RBM26: variants seen among roughly 807,000 people sequenced by gnomAD.
The protein encoded by RBM26 is RNA binding motif protein 26, also known as RNA-binding protein 26.
RBM26 carries 30 observed loss-of-function variants against 123.6 expected under a neutral mutation model. The observed-to-expected ratio is 0.24, with a 90% confidence interval of 0.18 to 0.33. RBM26 has a LOEUF of 0.33. Ranked by LOEUF, RBM26 falls within the 10% of genes least tolerant of loss-of-function variation. The probability of loss-of-function intolerance (pLI) is 1.00; values close to 1 mark genes in which losing one functional copy is unlikely to be tolerated. For synonymous variants in RBM26, 400 were observed against 404.4 expected (o/e 0.99, Z 0.13); for missense variants, 947 against 1,203.6 (o/e 0.79, Z 3.15).
downstream of RBM26, chr13:79,314,262 T>C (rs1454954689): frequency 1.3e-5 from 2 of 151,744 alleles, no homozygotes; most frequent in African/African-American, 4.8e-5. Flanking sequence ...TTCGATGTCT[T>C]GATTGAAAGT....
At chr13:79,374,807 G>A (rs533545575) in intron 3 of RBM26, among the ~76,000 whole-genome samples, 111 of 151,886 alleles carry the variant, frequency 7.3e-4, no homozygotes, top group Middle Eastern at 6.8e-3. Context: ...CATTTTAAAC[G>A]TAGATTGCCA....
In RBM26 at chr13:79,334,392, G is replaced by A. The variant is rs2069951000; in HGVS notation, c.2772C>T (p.Ser924=). ...TGAATGTAATTACTGCATGAAGTGAGGAATCATCAATCTGACAATCTTCAA... is the reference window on the plus strand; with the variant it reads ...TGAATGTAATTACTGCATGAAGTGAAGAATCATCAATCTGACAATCTTCAA... ...GEIEDCQIDD[S]SLHAVITFKT... is the part of the protein sequence containing the mutation. Residue 924 remains serine, a synonymous_variant, in exon 20 of 22, where the codon TCC becomes TCT. Coordinates refer to ENST00000438737, the MANE Select transcript of RBM26 (RefSeq NM_001366735.2). The A allele has an allele frequency of 1.3e-6, 2 of 1,567,686 alleles. No individual in the cohort carries two copies. Among genetic ancestry groups the A allele is most frequent in the East Asian group, 2.3e-5 (1 of 42,650 alleles).
intron 20 of RBM26, among the ~76,000 whole-genome samples, chr13:79,330,505 G>A (rs2069123340): frequency 6.6e-6 from 1 of 152,148 alleles, no homozygotes; most frequent in South Asian, 2.1e-4. Context: ...TCTTTTGTTA[G>A]GGGATCTCTT....
chr13:79,318,805 A>C, downstream of RBM26: 1 of 983,814 alleles, frequency 1.0e-6, no homozygotes, highest in South Asian at 4.7e-5. Flanking sequence ...TGAAAGATTT[A>C]CTTTCTTTGT....
intron 5 of RBM26, among the ~76,000 whole-genome samples, chr13:79,369,250 A>T (rs906371844): frequency 2.0e-5 from 3 of 152,196 alleles, no homozygotes; most frequent in African/African-American, 7.2e-5. Flanking sequence ...TATAGAAAAA[A>T]GGAATTTTAT....
At chr13:79,386,658 GT>G (rs71204717) in intron 1 of RBM26, among the ~76,000 whole-genome samples, 32,152 of 133,144 alleles carry the variant, frequency 0.24, 4,470 homozygotes, top group Non-Finnish European at 0.33. Context: ...CATATTTAGG[GT>G]TTTTTTTTTT....
At chr13:79,336,919 C>T (rs192573771) in intron 19 of RBM26, among the ~76,000 whole-genome samples, 183 bp downstream of exon 19, 1 of 152,244 alleles carries the variant, frequency 6.6e-6, no homozygotes, top group Admixed American at 6.5e-5. Context: ...AATGTCTCTT[C>T]TAGATAATTA....
At position 79,322,289 on chromosome 13, in the gene RBM26, A is replaced by G. The variant is rs536960813; in HGVS notation, c.2934+60T>C. 4.0e-4 allele frequency: 452 copies of G among 1,117,024 alleles called. 3 individuals carry two copies. In the Middle Eastern group the frequency reaches 6.4e-3, roughly 16 times the overall value. The allele number at this position is 1,117,024 out of a possible 1,614,324, so 69.2% of individuals were successfully genotyped here. A position where few individuals can be genotyped will look rare whatever the true frequency, so the allele number is the denominator to read the frequency against. ...TTAAAATCACGGCCATAAAAATCAC[A>G]TTTTATATAAAAGCTATGAACGATT... On this transcript the variant is annotated intron_variant, in intron 21 of 21. Coordinates refer to ENST00000438737, the MANE Select transcript of RBM26 (RefSeq NM_001366735.2).
intron 17 of RBM26, 45 bp downstream of exon 17, chr13:79,342,619 T>C: frequency 4.1e-6 from 6 of 1,454,566 alleles, no homozygotes; most frequent in Non-Finnish European, 5.7e-6. Context: ...TAGTGTCTAA[T>C]GCTTGTTAAT....
intron 11 of RBM26, among the ~76,000 whole-genome samples, 195 bp downstream of exon 11, chr13:79,358,079 C>T (rs1030941765): frequency 3.9e-5 from 6 of 152,122 alleles, no homozygotes; most frequent in African/African-American, 1.4e-4. Context: ...GATGGGGTTT[C>T]ACCAGGTTGG....
intron 17 of RBM26, 23 bp downstream of exon 17, chr13:79,342,641 T>A (rs751071707): frequency 9.0e-6 from 13 of 1,448,204 alleles, no homozygotes; most frequent in Non-Finnish European, 1.0e-5. Flanking sequence ...AGTAATAATA[T>A]GAACAACAAT....
chr13:79,316,359 C>T (rs895414723), downstream of RBM26, among the ~76,000 whole-genome samples: 1 of 151,544 alleles, frequency 6.6e-6, no homozygotes, highest in African/African-American at 2.4e-5. Flanking sequence ...TCTAAAATAG[C>T]CAGTGATATT....
At chr13:79,401,947 C>T (rs1187595668) in intron 1 of RBM26, among the ~76,000 whole-genome samples, 4 of 151,618 alleles carry the variant, frequency 2.6e-5, no homozygotes, top group East Asian at 1.9e-4. Context: ...AACCTCAGTA[C>T]GTCATTACAT....
chr13:79,394,792 C>T (rs545725006), intron 1 of RBM26, among the ~76,000 whole-genome samples: 32 of 152,262 alleles, frequency 2.1e-4, no homozygotes, highest in African/African-American at 7.2e-4. Flanking sequence ...CATAACAACA[C>T]CCGGCTAATT....
At position 79,371,082 on chromosome 13, in the gene RBM26, C is replaced by T; in HGVS notation, c.497G>A (p.Arg166Lys). 1.2e-6 allele frequency: 2 copies of T among 1,614,144 alleles called. No individual in the cohort carries two copies. The highest frequency in any genetic ancestry group is 2.2e-5 in the East Asian group (1 of 44,878). The change falls in exon 5 of 22, where the codon AGA (arginine) becomes AAA (lysine). Residue 166 changes from arginine to lysine, a missense_variant. Coordinates refer to ENST00000438737, the MANE Select transcript of RBM26 (RefSeq NM_001366735.2). ...DRNPPRRDSY[R>K]DRYNRRRGRS... ...CCCTCGTCTTCTATTGTACCGGTCT[C>T]TGTATGAATCTCTTCGAGGAGGGTT...
At chr13:79,314,307 A>G (rs1295230274), downstream of RBM26, 2 of 151,758 alleles carry the variant, frequency 1.3e-5, no homozygotes, top group African/African-American at 2.4e-5. Context: ...TAAGACATAT[A>G]ATTTTTAAAA....
At chr13:79,378,375 C>G (rs955010593) in intron 2 of RBM26, among the ~76,000 whole-genome samples, 1 of 152,128 alleles carries the variant, frequency 6.6e-6, no homozygotes, top group East Asian at 1.9e-4. Context: ...GTTTATTTAA[C>G]TTTGTTAAAA....
intron 14 of RBM26, among the ~76,000 whole-genome samples, chr13:79,349,918 G>A (rs7317450): frequency 0.14 from 21,898 of 151,964 alleles, 3,910 homozygotes; most frequent in African/African-American, 0.43. Context: ...GGCTGGTCTC[G>A]AACTCCTGAC....
intron 20 of RBM26, among the ~76,000 whole-genome samples, chr13:79,328,683 TAAAAAAA>T (rs747906560): frequency 5.2e-5 from 2 of 38,480 alleles, no homozygotes; most frequent in Admixed American, 3.1e-4. Flanking sequence ...CTGCATTAAG[TAAAAAAA>T]AAAAAAAAAA....
Sources: gnomAD v4.1 joint callset for allele counts (sites outside exome capture counted in the v4.1 genomes callset) on GRCh38, gnomAD v4.1.1 for gene constraint, MANE v1.5 for transcripts, NCBI Gene and HGNC (gene_info 2026-07-23, HGNC 2026-07-21) for gene names.